NODAL: variants seen among roughly 807,000 people sequenced by gnomAD.
NODAL encodes nodal growth differentiation factor.
A neutral mutation model predicts 34.0 loss-of-function variants in NODAL; 12 were observed. The ratio of observed to expected loss-of-function variants is 0.35; its 90% CI spans 0.23 to 0.57. The LOEUF is 0.57. Ranked by LOEUF, NODAL falls within the 20% of genes least tolerant of loss-of-function variation. NODAL has a pLI of 0.83. For missense variants in NODAL, 390 were observed against 444.2 expected, an observed-to-expected ratio of 0.88 and a Z score of 1.10; for synonymous variants, 162 against 186.4, an observed-to-expected ratio of 0.87 and a Z score of 1.07.
upstream of NODAL, among the ~76,000 whole-genome samples, chr10:70,443,853 A>G (rs537607976): frequency 6.6e-6 from 1 of 152,276 alleles, no homozygotes; most frequent in East Asian, 1.9e-4. Flanking sequence ...AAAATAAAAA[A>G]AAAATTCAGT....
intron 2 of NODAL, among the ~76,000 whole-genome samples, chr10:70,433,816 T>C (rs925019050): frequency 2.0e-5 from 3 of 152,210 alleles, no homozygotes; most frequent in African/African-American, 4.8e-5. Context: ...GGATTTGCTG[T>C]CAGCCAGAGA....
rs79463001 is a variant in NODAL, at chr10:70,439,342, G to A, written c.193+2133C>T. Among the ~76,000 whole-genome samples the A allele has an allele frequency of 7.8e-3, 1,180 of 152,220 alleles. 18 individuals are homozygous for A. Among genetic ancestry groups the A allele is most frequent in the African/African-American group, 0.027 (1,127 of 41,542 alleles). The stretch of plus-strand genomic sequence containing the variant: ...AAGAAGAAAGTGGCTCACACCCTTG[G>A]GTTCCCTTCCAGTCACCGACACCGC... On this transcript the variant is annotated intron_variant, in intron 1 of 2. Coordinates refer to ENST00000287139, the MANE Select transcript of NODAL (RefSeq NM_018055.5).
rs1242890834 is a variant in NODAL at position 70,441,656 on chromosome 10, G to A, written c.12C>T (p.His4=). 2 of 1,549,714 alleles carry A rather than the reference G, an allele frequency of 1.3e-6. No homozygotes were observed. The highest frequency in any genetic ancestry group is 2.7e-5 in the African/African-American group (2 of 73,110). Residue 4 remains histidine, a synonymous_variant, in exon 1 of 3, where the codon CAC becomes CAT. Coordinates refer to ENST00000287139, the MANE Select transcript of NODAL (RefSeq NM_018055.5). ...AGGCGTGCAGAAGGAAGGGCAGGCA[G>A]TGGGCGTGCATGGTGGGCTGGCCAG... The part of the protein sequence containing the change: MHA[H]CLPFLLHAWW...
chr10:70,447,775 T>C, intron 1 of NODAL: 3 of 401,654 alleles, frequency 7.5e-6, no homozygotes, highest in East Asian at 1.5e-4. Context: ...GATTGTGAGC[T>C]GCCTAGGAGC....
At chr10:70,435,088 C>T (rs999405062) in intron 2 of NODAL, 198 bp downstream of exon 2, 19 of 600,378 alleles carry the variant, frequency 3.2e-5, no homozygotes, top group Non-Finnish European at 4.1e-5. Flanking sequence ...CCCAGTGACG[C>T]ATGACCCCAT....
At chr10:70,447,792 G>A in intron 1 of NODAL, 1 of 444,140 alleles carries the variant, frequency 2.3e-6, no homozygotes, top group South Asian at 1.7e-5. Flanking sequence ...GAGCAGGGGT[G>A]ACCCCTGACT....
chr10:70,442,219 A>T (rs2132221148), upstream of NODAL, among the ~76,000 whole-genome samples: 1 of 152,320 alleles, frequency 6.6e-6, no homozygotes, highest in East Asian at 1.9e-4. Flanking sequence ...CAAATACTGA[A>T]GTGCTTTCCT....
At chr10:70,439,332 C>T (rs1032307412) in intron 1 of NODAL, among the ~76,000 whole-genome samples, 36 of 152,174 alleles carry the variant, frequency 2.4e-4, no homozygotes, top group African/African-American at 8.0e-4. Context: ...GAAAGTGGCT[C>T]ACACCCTTGG....
At chr10:70,439,686 TCTC>T (rs1486326579) in intron 1 of NODAL, among the ~76,000 whole-genome samples, 3 of 152,194 alleles carry the variant, frequency 2.0e-5, no homozygotes, top group Non-Finnish European at 4.4e-5. Context: ...GGACATCCCT[TCTC>T]CTCCAGTCTC....
chr10:70,433,538 C>T (rs1284120380), intron 2 of NODAL, among the ~76,000 whole-genome samples: 2 of 152,106 alleles, frequency 1.3e-5, no homozygotes, highest in South Asian at 2.1e-4. Context: ...CCTCAGCCTC[C>T]TGAGTAGCTG....
rs2132215668 is a variant in NODAL, at chr10:70,435,967, C to T, written c.210G>A (p.Gly70=). ...AGTCAAAAGCAAACGTCCAGTTCTG[C>T]CCATCCACTGCCACATCTGGGTAGG... is the stretch of plus-strand genomic sequence containing the variant. ...SLQAEDVAVD[G]QNWTFAFDFS... Residue 70 remains glycine, a synonymous_variant, in exon 2 of 3, where the codon GGG becomes GGA. Transcript: ENST00000287139. 1.2e-6 allele frequency: 2 copies of T among 1,614,158 alleles called. No homozygotes were observed. The highest frequency in any genetic ancestry group is 2.2e-5 in the East Asian group (1 of 44,886).
chr10:70,438,017 C>T (rs529613793), intron 1 of NODAL, among the ~76,000 whole-genome samples: 1 of 152,104 alleles, frequency 6.6e-6, no homozygotes, highest in African/African-American at 2.4e-5. Context: ...TGGCCAGGTG[C>T]GGTGGGTCAC....
At chr10:70,439,740 C>A (rs765450239) in intron 1 of NODAL, among the ~76,000 whole-genome samples, 4 of 152,194 alleles carry the variant, frequency 2.6e-5, no homozygotes, top group African/African-American at 4.8e-5. Flanking sequence ...GAAAATGAGG[C>A]CAATTCACAA....
chr10:70,442,731 TAGTGCTA>T (rs1845446584), upstream of NODAL, among the ~76,000 whole-genome samples: 1 of 152,150 alleles, frequency 6.6e-6, no homozygotes. Context: ...GCGCCAGGCA[TAGTGCTA>T]AGTGCTCTAT....
At position 70,441,460 on chromosome 10, in the gene NODAL, C is replaced by T. The variant is rs894394523; in HGVS notation, c.193+15G>A. On this transcript the variant is annotated intron_variant, in intron 1 of 2. Coordinates refer to ENST00000287139, the MANE Select transcript of NODAL (RefSeq NM_018055.5). ...CGGGGGTGCCCAGCAGGGCGCGGCA[C>T]GCGGCACTGCCTACCTTCTGCCTGT... is the stretch of plus-strand genomic sequence containing the variant. 6.4e-7 allele frequency: 1 copy of T among 1,564,340 alleles called. No homozygotes were observed. The highest frequency in any genetic ancestry group is 8.6e-7 in the Non-Finnish European group (1 of 1,157,838).
At chr10:70,433,448 T>C (rs1387870584) in intron 2 of NODAL, among the ~76,000 whole-genome samples, 1 of 152,082 alleles carries the variant, frequency 6.6e-6, no homozygotes, top group Non-Finnish European at 1.5e-5. Context: ...ATGGTCTTGC[T>C]CTGTTGCCCA....
rs1564667078 is a variant in NODAL, at chr10:70,435,284, A to T, written c.891+2T>A. The stretch of plus-strand genomic sequence containing the variant: ...CCCTCCCCCTCACGCCTGGCATCCC[A>T]CCTGGATGTATGCATGGTTGGTCGG... On this transcript the variant is annotated splice_donor_variant, in intron 2 of 2. Transcript: ENST00000287139. LOFTEE classifies it high-confidence loss of function. 1 of 1,606,474 alleles carries T rather than the reference A, an allele frequency of 6.2e-7. No homozygotes were observed. Among genetic ancestry groups the T allele is most frequent in the Non-Finnish European group, 8.5e-7 (1 of 1,176,304 alleles).
chr10:70,441,771 C>A, upstream of NODAL: 1 of 1,225,296 alleles, frequency 8.2e-7, no homozygotes, highest in Non-Finnish European at 1.2e-6. Context: ...GCTTTAAGAT[C>A]ATATAACCCC....
chr10:70,441,739 C>A, upstream of NODAL: 1 of 1,465,974 alleles, frequency 6.8e-7, no homozygotes, highest in South Asian at 1.2e-5. Flanking sequence ...GCCCCGCCCC[C>A]ACCTTTCCTC....
Sources: gnomAD v4.1 joint callset for allele counts (sites outside exome capture counted in the v4.1 genomes callset) on GRCh38, gnomAD v4.1.1 for gene constraint, MANE v1.5 for transcripts, NCBI Gene and HGNC (gene_info 2026-07-23, HGNC 2026-07-21) for gene names.